The following RARB variants were observed in gnomAD, a reference collection of about 807,000 sequenced individuals.
RARB encodes HBV-activated protein.
RARB carries 17 observed loss-of-function variants against 51.9 expected under a neutral mutation model. The observed-to-expected ratio is 0.33, with a 90% CI of 0.22 to 0.49. RARB has a LOEUF of 0.49. Among genes scored for constraint, RARB ranks in the 20% least tolerant of loss-of-function variants. The pLI, the probability that RARB is intolerant of heterozygous loss-of-function variation, is 0.99. For synonymous variants in RARB, 215 were observed against 195.4 expected (o/e 1.10, Z -0.84); for missense variants, 369 against 550.8 (o/e 0.67, Z 3.30).
At chr3:25,417,803 T>C (rs557889861) in intron 5 of RARB, among the ~76,000 whole-genome samples, 1 of 152,312 alleles carries the variant, frequency 6.6e-6, no homozygotes, top group East Asian at 1.9e-4. Flanking sequence ...TAGACTAAAC[T>C]TGACTTTTAA....
At chr3:24,963,889 A>AG (rs11386072) in intron 2 of RARB, among the ~76,000 whole-genome samples, 38,803 of 151,996 alleles carry the variant, frequency 0.26, 6,259 homozygotes, top group Admixed American at 0.4. Context: ...GCATTTTGGT[A>AG]GAAAAAAAAA....
chr3:24,909,829 G>T (rs942023266), intron 2 of RARB, among the ~76,000 whole-genome samples: 2 of 151,808 alleles, frequency 1.3e-5, no homozygotes, highest in Admixed American at 1.3e-4. Flanking sequence ...GATTGTGTAG[G>T]GCATAGAATT....
At chr3:24,997,832 A>G (rs1176959506) in intron 2 of RARB, among the ~76,000 whole-genome samples, 1 of 152,204 alleles carries the variant, frequency 6.6e-6, no homozygotes, top group Non-Finnish European at 1.5e-5. Context: ...TAGTGAGTAT[A>G]ACAGTCTACA....
chr3:25,083,230 T>G (rs1198712868), intron 3 of RARB, among the ~76,000 whole-genome samples: 2 of 152,182 alleles, frequency 1.3e-5, no homozygotes, highest in Non-Finnish European at 2.9e-5. Flanking sequence ...CTGATTATTT[T>G]TTGCTCAAAT....
chr3:24,869,909 C>T (rs996013026), intron 2 of RARB, among the ~76,000 whole-genome samples: 5 of 152,048 alleles, frequency 3.3e-5, no homozygotes, highest in African/African-American at 1.2e-4. Flanking sequence ...GTTCATCAGC[C>T]TTTTATATTG....
intron 5 of RARB, among the ~76,000 whole-genome samples, chr3:25,176,856 T>C (rs1700764113): frequency 2.0e-5 from 3 of 152,230 alleles, no homozygotes; most frequent in Non-Finnish European, 2.9e-5. Flanking sequence ...GATTAAACTA[T>C]AATGCAGTTG....
chr3:25,368,341 G>A (rs1559374449), intron 5 of RARB, among the ~76,000 whole-genome samples: 1 of 152,068 alleles, frequency 6.6e-6, no homozygotes, highest in Non-Finnish European at 1.5e-5. Context: ...TCTTTAAATA[G>A]TACAATAGGT....
intron 5 of RARB, among the ~76,000 whole-genome samples, chr3:25,390,297 T>C (rs1422746726): frequency 6.6e-6 from 1 of 152,062 alleles, no homozygotes; most frequent in African/African-American, 2.4e-5. Context: ...AGTTTGAGAA[T>C]TTGACCAGGA....
At position 25,022,843 on chromosome 3, in the gene RARB, C is replaced by G. The variant is rs375304452; in HGVS notation, c.-379-37282C>G. The stretch of plus-strand genomic sequence containing the variant: ...GAGCTGGTGAAGGGAGCTAGGGTGG[C>G]TGAAACAGGAGTGGACAGTCGGAGA... On this transcript the variant is annotated intron_variant, in intron 2 of 11. Transcript: ENST00000383772. Among the ~76,000 whole-genome samples the G allele has an allele frequency of 2.6e-5, 4 of 152,096 alleles. No homozygotes were observed. The East Asian group carries it at 5.8e-4, about 22-fold the overall frequency.
At chr3:25,044,471 A>G (rs1698174735) in intron 2 of RARB, among the ~76,000 whole-genome samples, 1 of 152,118 alleles carries the variant, frequency 6.6e-6, no homozygotes, top group South Asian at 2.1e-4. Flanking sequence ...CTATTTTTAT[A>G]TATATTTAGG....
chr3:25,579,760 C>T (rs1022398997), intron 4 of RARB, among the ~76,000 whole-genome samples: 20 of 152,188 alleles, frequency 1.3e-4, no homozygotes, highest in African/African-American at 4.8e-4. Flanking sequence ...GCTGTACCCA[C>T]TTTGTGTAGT....
intron 2 of RARB, among the ~76,000 whole-genome samples, chr3:25,015,460 G>T (rs1194737666): frequency 2.6e-5 from 4 of 152,118 alleles, no homozygotes; most frequent in Admixed American, 6.6e-5. Flanking sequence ...TCTTCAGAGT[G>T]GAAGAGCTGG....
intron 5 of RARB, among the ~76,000 whole-genome samples, chr3:25,293,486 G>A (rs1156936231): frequency 6.6e-6 from 1 of 150,806 alleles, no homozygotes; most frequent in Non-Finnish European, 1.5e-5. Context: ...TTGACGATGG[G>A]AAGAATGCCT....
intron 3 of RARB, among the ~76,000 whole-genome samples, chr3:25,105,498 C>G (rs1315937811): frequency 6.6e-6 from 1 of 150,758 alleles, no homozygotes; most frequent in Admixed American, 6.6e-5. Context: ...TATGACTGCA[C>G]TGCTTCTGAT....
chr3:25,193,979 C>G (rs1014088828), intron 5 of RARB, among the ~76,000 whole-genome samples: 1 of 151,782 alleles, frequency 6.6e-6, no homozygotes, highest in Admixed American at 6.6e-5. Context: ...TTACACTATT[C>G]ACAATAGCCA....
chr3:25,152,173 T>C (rs1483792030), intron 4 of RARB, among the ~76,000 whole-genome samples: 1 of 152,232 alleles, frequency 6.6e-6, no homozygotes, highest in Admixed American at 6.5e-5. Context: ...CGTTGAAGTT[T>C]ATAAAGTGAA....
At chr3:25,029,223 C>T (rs1012393665) in intron 2 of RARB, among the ~76,000 whole-genome samples, 6 of 152,194 alleles carry the variant, frequency 3.9e-5, no homozygotes, top group South Asian at 2.1e-4. Flanking sequence ...AAAGACTTCA[C>T]ACTCAAACTG....
intron 3 of RARB, among the ~76,000 whole-genome samples, chr3:25,105,038 A>G (rs1699473040): frequency 6.6e-6 from 1 of 152,098 alleles, no homozygotes; most frequent in South Asian, 2.1e-4. Flanking sequence ...TTCTATAAGA[A>G]TTAATAGTTT....
exon 5 of RARB, chr3:25,174,454 C>T (rs563245032): frequency 7.4e-7 from 1 of 1,352,160 alleles, no homozygotes; most frequent in Non-Finnish European, 9.8e-7. Flanking sequence ...ACATGACTCA[C>T]TATCCAGCCA....
Sources: allele counts gnomAD v4.1 joint callset (sites outside exome capture counted in the v4.1 genomes callset), GRCh38; gene constraint gnomAD v4.1.1; transcripts MANE v1.5; gene names NCBI Gene and HGNC (gene_info 2026-07-23, HGNC 2026-07-21).